Variants in CEP128 observed in about 807,000 individuals in gnomAD.
The protein encoded by CEP128 is centrosomal protein 128.
Under a neutral mutation model 156.7 loss-of-function variants are expected in CEP128, and 132 were observed. The ratio of observed to expected loss-of-function variants is 0.84; its 90% CI spans 0.73 to 0.97. CEP128 has a LOEUF of 0.97. Among genes scored for constraint, CEP128 ranks in the 50% least tolerant of loss-of-function variants. The pLI is 0.00. For missense variants in CEP128, 1,252 were observed against 1,281.9 expected, an observed-to-expected ratio of 0.98 and a Z score of 0.36; for synonymous variants, 469 against 448.9, an observed-to-expected ratio of 1.04 and a Z score of -0.57.
intron 14 of CEP128, among the ~76,000 whole-genome samples, chr14:80,789,784 G>C (rs1431931248): frequency 6.6e-6 from 1 of 151,372 alleles, no homozygotes; most frequent in Non-Finnish European, 1.5e-5. Context: ...CCTCAAAGAC[G>C]TGAATACAAA....
At chr14:80,598,064 A>G (rs1892420374) in intron 19 of CEP128, among the ~76,000 whole-genome samples, 1 of 151,910 alleles carries the variant, frequency 6.6e-6, no homozygotes, top group South Asian at 2.1e-4. Flanking sequence ...TACTCTCACA[A>G]TTCTTATTCA....
chr14:80,618,735 G>T (rs1893336138), intron 19 of CEP128, among the ~76,000 whole-genome samples: 1 of 152,138 alleles, frequency 6.6e-6, no homozygotes, highest in Non-Finnish European at 1.5e-5. Flanking sequence ...CCTATATGAA[G>T]CTGGGACCCT....
At chr14:80,677,057 C>T (rs1481161836) in intron 19 of CEP128, among the ~76,000 whole-genome samples, 1 of 152,040 alleles carries the variant, frequency 6.6e-6, no homozygotes, top group East Asian at 1.9e-4. Context: ...TAATGGAAGG[C>T]TTTTAAATAA....
chr14:80,498,803 C>G (rs1887610174), intron 24 of CEP128, among the ~76,000 whole-genome samples: 1 of 152,196 alleles, frequency 6.6e-6, no homozygotes, highest in Non-Finnish European at 1.5e-5. Context: ...CTGCTGTATA[C>G]TCCAGAACTG....
rs1252438122 is a variant in CEP128 at position 80,922,898 on chromosome 14, TC to T, written c.-15-6337del. 5.8e-4 allele frequency among the ~76,000 whole-genome samples: 89 copies of T among 152,238 alleles called. 1 individual carries two copies. The highest frequency in any genetic ancestry group is 8.8e-5 in the Non-Finnish European group (6 of 68,050). On this transcript the variant is annotated intron_variant, in intron 2 of 24. Coordinates refer to ENST00000555265, the MANE Select transcript of CEP128 (RefSeq NM_152446.5). Reference sequence around the variant, plus strand: ...TCTGGTTAAAGCTGAGAAAGGTATTTCTTTCAATTGGAGAAAAAGCAGTGAA... The same window carrying T: ...TCTGGTTAAAGCTGAGAAAGGTATTTTTTCAATTGGAGAAAAAGCAGTGAA...
chr14:80,867,447 A>T (rs1017441125), intron 8 of CEP128, among the ~76,000 whole-genome samples: 3 of 152,208 alleles, frequency 2.0e-5, no homozygotes, highest in African/African-American at 7.2e-5. Flanking sequence ...GAGCAAAACT[A>T]TGGGAAAGGA....
At chr14:80,533,212 T>C (rs1175202929) in intron 21 of CEP128, among the ~76,000 whole-genome samples, 1 of 152,188 alleles carries the variant, frequency 6.6e-6, no homozygotes, top group Non-Finnish European at 1.5e-5. Context: ...TTATTGACTC[T>C]TGAACAATAA....
intron 19 of CEP128, among the ~76,000 whole-genome samples, chr14:80,582,886 T>C (rs1891649553): frequency 1.3e-5 from 2 of 152,160 alleles, no homozygotes; most frequent in Non-Finnish European, 2.9e-5. Context: ...AATTAGATTG[T>C]TTAATGGTGC....
chr14:80,694,245 AAGT>A (rs1896812851), intron 19 of CEP128, among the ~76,000 whole-genome samples: 1 of 152,174 alleles, frequency 6.6e-6, no homozygotes, highest in Non-Finnish European at 1.5e-5. Flanking sequence ...AATTACTAAA[AAGT>A]CAGGAAACAA....
At chr14:80,778,558 C>A (rs1900927047) in intron 15 of CEP128, among the ~76,000 whole-genome samples, 1 of 152,112 alleles carries the variant, frequency 6.6e-6, no homozygotes. Flanking sequence ...TTATGTAAGT[C>A]ATTATCAATA....
Position 80,761,599 on chromosome 14 carries a change from G to C in CEP128, c.2391C>G (p.Ser797Arg), listed in dbSNP as rs755380273. 1.9e-6 allele frequency: 3 copies of C among 1,592,920 alleles called. No homozygotes were observed. In the East Asian group the frequency reaches 6.7e-5, roughly 36 times the overall value. The change falls in exon 17 of 25, where the codon AGC becomes AGG. Residue 797 changes from serine (S) to arginine (R), a missense_variant. Transcript: ENST00000555265. ...DQLEEREKHI[S>R]IEEEHLRRME... ...TCCTCCTTAAGTGCTCCTCTTCAAT[G>C]CTTATATGTTTTTCCTAAGGCATTG...
chr14:80,539,935 C>T (rs1889666974), intron 21 of CEP128, among the ~76,000 whole-genome samples: 1 of 152,142 alleles, frequency 6.6e-6, no homozygotes, highest in Non-Finnish European at 1.5e-5. Flanking sequence ...CTCAGGCTTA[C>T]TAGAGTGGGG....
Position 80,650,255 on chromosome 14 carries a change from C to G in CEP128, c.2807-69832G>C, listed in dbSNP as rs561524656. On this transcript the variant is annotated intron_variant, in intron 19 of 24. Transcript: ENST00000555265. ...TGTATAGGAATGCTTGTGCTTTTTGCAAATTGATTTTGTATCCTGAGACTT... is the reference window on the plus strand; with the variant it reads ...TGTATAGGAATGCTTGTGCTTTTTGGAAATTGATTTTGTATCCTGAGACTT... 5.3e-5 allele frequency among the ~76,000 whole-genome samples: 8 copies of G among 152,144 alleles called. No homozygotes were observed. The South Asian group carries it at 1.0e-3, about 20-fold the overall frequency.
At chr14:80,947,348 A>G (rs1886370519) in intron 2 of CEP128, among the ~76,000 whole-genome samples, 1 of 152,178 alleles carries the variant, frequency 6.6e-6, no homozygotes, top group Non-Finnish European at 1.5e-5. Context: ...CACAGAAAGC[A>G]GAAAGGGAGG....
chr14:80,664,478 C>T (rs1183198479), intron 19 of CEP128, among the ~76,000 whole-genome samples: 2 of 137,864 alleles, frequency 1.5e-5, no homozygotes, highest in African/African-American at 5.9e-5. Context: ...AAAGCAGAGA[C>T]AGAATATGAG....
At chr14:80,658,596 A>G (rs1895271794) in intron 19 of CEP128, among the ~76,000 whole-genome samples, 1 of 152,214 alleles carries the variant, frequency 6.6e-6, no homozygotes, top group South Asian at 2.1e-4. Context: ...AGGGTAATCA[A>G]TGTTGAGATG....
intron 23 of CEP128, among the ~76,000 whole-genome samples, chr14:80,513,294 C>T (rs943055016): frequency 1.3e-5 from 2 of 152,148 alleles, no homozygotes; most frequent in African/African-American, 4.8e-5. Flanking sequence ...ATATGTCATG[C>T]CTGCCTCTCC....
intron 8 of CEP128, among the ~76,000 whole-genome samples, chr14:80,891,232 T>C (rs916055231): frequency 9.9e-5 from 15 of 152,112 alleles, no homozygotes; most frequent in African/African-American, 3.6e-4. Flanking sequence ...GAAGTCAGCA[T>C]ATTAAAAATA....
intron 19 of CEP128, among the ~76,000 whole-genome samples, chr14:80,625,924 G>C (rs903260336): frequency 2.7e-5 from 4 of 148,372 alleles, no homozygotes; most frequent in African/African-American, 1.0e-4. Flanking sequence ...TATCAGATTA[G>C]TTCTCTCATT....
Sources: allele counts gnomAD v4.1 joint callset (sites outside exome capture counted in the v4.1 genomes callset), GRCh38; gene constraint gnomAD v4.1.1; transcripts MANE v1.5; gene names NCBI Gene and HGNC (gene_info 2026-07-23, HGNC 2026-07-21).